Variants in FOXJ3 observed in about 807,000 individuals in gnomAD.
FOXJ3 encodes forkhead box protein J3.
FOXJ3 carries 22 observed loss-of-function variants against 76.1 expected under a neutral mutation model. That is an observed-to-expected ratio of 0.29 (90% CI 0.21 to 0.41). The LOEUF is 0.41. FOXJ3 is among the 10% of genes least tolerant of loss of function. The pLI, the probability that FOXJ3 is intolerant of heterozygous loss-of-function variation, is 1.00. For missense variants in FOXJ3, 613 were observed against 762.1 expected (o/e 0.80, Z 2.30); for synonymous variants, 269 against 261.2 (o/e 1.03, Z -0.29).
chr1:42,291,530 C>T (rs1002016948), intron 2 of FOXJ3, among the ~76,000 whole-genome samples: 4 of 152,164 alleles, frequency 2.6e-5, no homozygotes, highest in African/African-American at 9.7e-5. Context: ...CTACAAATTA[C>T]AGGGCTCACA....
In FOXJ3 at chr1:42,215,879, T is replaced by C. The variant is rs116805356; in HGVS notation, c.529-10016A>G. Among the ~76,000 whole-genome samples, 1,086 of 152,248 alleles carry C rather than the reference T, an allele frequency of 7.1e-3. 22 individuals are homozygous for C. Among genetic ancestry groups the C allele is most frequent in the African/African-American group, 0.025 (1,048 of 41,550 alleles). On this transcript the variant is annotated intron_variant, in intron 5 of 12. Coordinates refer to ENST00000361346, the MANE Select transcript of FOXJ3 (RefSeq NM_014947.5). ...ATACTCTTCAAAAATGAAGGCAGGC[T>C]GGGCGTGGTGGCTCACATACCTAGC...
chr1:42,331,331 G>A (rs1251660611), intron 1 of FOXJ3, among the ~76,000 whole-genome samples: 4 of 151,922 alleles, frequency 2.6e-5, no homozygotes, highest in South Asian at 2.1e-4. Context: ...GCAGCGAGCC[G>A]AGATGGCGCC....
chr1:42,296,371 G>A (rs887993213), intron 2 of FOXJ3, among the ~76,000 whole-genome samples: 15 of 151,826 alleles, frequency 9.9e-5, no homozygotes, highest in East Asian at 3.9e-4. Flanking sequence ...TAAATTCTTC[G>A]CCTAGGCCAA....
intron 4 of FOXJ3, among the ~76,000 whole-genome samples, chr1:42,247,639 C>T (rs1390761584): frequency 6.6e-6 from 1 of 152,152 alleles, no homozygotes; most frequent in Non-Finnish European, 1.5e-5. Flanking sequence ...TTAATAACTA[C>T]TATTGGCAAG....
At chr1:42,306,493 G>A (rs978662114) in intron 2 of FOXJ3, among the ~76,000 whole-genome samples, 8 of 151,700 alleles carry the variant, frequency 5.3e-5, no homozygotes, top group African/African-American at 1.2e-4. Flanking sequence ...TAGTCGAGAC[G>A]GGGTTTCACC....
At position 42,321,879 on chromosome 1, in the gene FOXJ3, G is replaced by GA. The variant is rs1026145147; in HGVS notation, c.-17-10770dup. 1.1e-4 allele frequency among the ~76,000 whole-genome samples: 17 copies of GA among 151,404 alleles called. No homozygotes were observed. In the South Asian group the frequency reaches 1.7e-3, roughly 15 times the overall value. ...GATTCCATTGGCATCATTTTCCAGG[G>GA]AAAAAAAATGGGAGACTTTATCATC... is the stretch of plus-strand genomic sequence containing the variant. On this transcript the variant is annotated intron_variant, in intron 1 of 12. Transcript: ENST00000361346.
intron 2 of FOXJ3, among the ~76,000 whole-genome samples, chr1:42,304,719 T>C (rs755154305): frequency 6.6e-6 from 1 of 152,160 alleles, no homozygotes; most frequent in Non-Finnish European, 1.5e-5. Context: ...TAGACCCCTA[T>C]TCCTTGCCAT....
chr1:42,306,298 C>CTT (rs9326121), intron 2 of FOXJ3, among the ~76,000 whole-genome samples: 53 of 81,640 alleles, frequency 6.5e-4, no homozygotes, highest in African/African-American at 9.9e-4. Context: ...GAACTTTTTT[C>CTT]TTTTTTTTTT....
intron 7 of FOXJ3, among the ~76,000 whole-genome samples, chr1:42,197,537 T>C (rs1646674855): frequency 6.6e-6 from 1 of 152,152 alleles, no homozygotes; most frequent in South Asian, 2.1e-4. Context: ...CACCAAAATC[T>C]GCACATGCTC....
At position 42,179,782 on chromosome 1, in the gene FOXJ3, T is replaced by C. The variant is rs550109987; in HGVS notation, c.1797A>G (p.Gln599=). 41 of 1,614,022 alleles carry C rather than the reference T, an allele frequency of 2.5e-5. No individual in the cohort carries two copies. The African/African-American group carries it at 4.8e-4, about 19-fold the overall frequency. Reference sequence around the variant, plus strand: ...GCAGGGAACGCCGCATCTGGAAGGCTTGGGAAGGCATCATGTGCTGCTGGT... The same window carrying C: ...GCAGGGAACGCCGCATCTGGAAGGCCTGGGAAGGCATCATGTGCTGCTGGT... ...AMNQQHMMPS[Q]AFQMRRSLPP... The change falls in exon 13 of 13, where the codon CAA becomes CAG. Residue 599 remains glutamine (Q), a synonymous_variant. Coordinates refer to ENST00000361346, the MANE Select transcript of FOXJ3 (RefSeq NM_014947.5).
chr1:42,184,250 G>A (rs1280864245), intron 11 of FOXJ3, among the ~76,000 whole-genome samples: 2 of 152,048 alleles, frequency 1.3e-5, no homozygotes, highest in South Asian at 2.1e-4. Flanking sequence ...CACATCTTTC[G>A]AGTTCATGTC....
intron 2 of FOXJ3, among the ~76,000 whole-genome samples, chr1:42,279,054 A>C (rs943025800): frequency 3.3e-5 from 5 of 152,212 alleles, no homozygotes; most frequent in Admixed American, 3.3e-4. Flanking sequence ...AAGCCGTTAA[A>C]AGCTTAAAAT....
intron 1 of FOXJ3, among the ~76,000 whole-genome samples, chr1:42,328,738 G>A (rs548651345): frequency 2.0e-5 from 3 of 147,252 alleles, no homozygotes; most frequent in Admixed American, 6.8e-5. Flanking sequence ...AGAATGCAGC[G>A]GCATTGCAAC....
At position 42,306,043 on chromosome 1, in the gene FOXJ3, T is replaced by G. The variant is rs575929793; in HGVS notation, c.44+5007A>C. Among the ~76,000 whole-genome samples the G allele has an allele frequency of 2.6e-4, 39 of 152,324 alleles. 1 individual carries two copies. The South Asian group carries it at 8.1e-3, about 32-fold the overall frequency. ...GAAGTTACAAAAAATAGTCTATTGTTACAATATGTAAAAGAAGTATGTCAT... is the reference window on the plus strand; with the variant it reads ...GAAGTTACAAAAAATAGTCTATTGTGACAATATGTAAAAGAAGTATGTCAT... On this transcript the variant is annotated intron_variant, in intron 2 of 12. Transcript: ENST00000361346.
chr1:42,288,555 T>A (rs751561999), intron 2 of FOXJ3, among the ~76,000 whole-genome samples: 18 of 152,220 alleles, frequency 1.2e-4, no homozygotes, highest in African/African-American at 4.3e-4. Context: ...TAGTGTTAAG[T>A]ATGATGTACA....
intron 2 of FOXJ3, among the ~76,000 whole-genome samples, chr1:42,310,609 G>A (rs768616513): frequency 9.2e-5 from 14 of 151,464 alleles, no homozygotes; most frequent in Admixed American, 3.3e-4. Flanking sequence ...CACCACACCT[G>A]GCTAATTATT....
At chr1:42,237,058 G>A (rs1648699713) in intron 4 of FOXJ3, among the ~76,000 whole-genome samples, 1 of 151,720 alleles carries the variant, frequency 6.6e-6, no homozygotes, top group African/African-American at 2.4e-5. Context: ...TTTTGCCCAT[G>A]TTTTATTTGG....
chr1:42,316,332 C>CATTTTTTTTTTT (rs1557720386), intron 1 of FOXJ3, among the ~76,000 whole-genome samples: 3 of 27,800 alleles, frequency 1.1e-4, no homozygotes, highest in African/African-American at 3.1e-4. Flanking sequence ...CTGCATTGGG[C>CATTTTTTTTTTT]CTTTTTTTTT....
intron 11 of FOXJ3, among the ~76,000 whole-genome samples, chr1:42,188,155 T>C (rs953794720): frequency 2.6e-5 from 4 of 151,982 alleles, no homozygotes; most frequent in African/African-American, 9.7e-5. Flanking sequence ...AAGAAAGAAG[T>C]AACTTGGATA....
Sources: allele counts gnomAD v4.1 joint callset (sites outside exome capture counted in the v4.1 genomes callset), GRCh38; gene constraint gnomAD v4.1.1; transcripts MANE v1.5; gene names NCBI Gene and HGNC (gene_info 2026-07-23, HGNC 2026-07-21).